Variants in CCDC50 observed in about 807,000 individuals in gnomAD.
The protein encoded by CCDC50 is coiled-coil domain containing 50.
A neutral mutation model predicts 70.2 loss-of-function variants in CCDC50; 54 were observed. The ratio of observed to expected loss-of-function variants is 0.77; its 90% confidence interval spans 0.62 to 0.96. CCDC50 has a LOEUF of 0.96. CCDC50 is among the 50% of genes least tolerant of loss of function. The probability of loss-of-function intolerance (pLI) is 0.00; values close to 1 mark genes in which losing one functional copy is unlikely to be tolerated. For missense variants in CCDC50, 558 were observed against 578.7 expected, an observed-to-expected ratio of 0.96 and a Z score of 0.37; for synonymous variants, 216 against 198.8, an observed-to-expected ratio of 1.09 and a Z score of -0.73.
At chr3:191,390,440 G>A (rs1273304571) in intron 11 of CCDC50, among the ~76,000 whole-genome samples, 1 of 152,200 alleles carries the variant, frequency 6.6e-6, no homozygotes, top group African/African-American at 2.4e-5. Context: ...CAGCAGTGTG[G>A]GCTGCTGGTT....
intron 9 of CCDC50, 22 bp from the exon 10 acceptor site, chr3:191,382,724 T>C: frequency 6.6e-7 from 1 of 1,515,284 alleles, no homozygotes; most frequent in South Asian, 1.1e-5. Context: ...TTTTGTTTGT[T>C]TGTTTGTATT....
chr3:191,334,265 A>G (rs1336460725), intron 1 of CCDC50, among the ~76,000 whole-genome samples: 1 of 152,200 alleles, frequency 6.6e-6, no homozygotes, highest in Non-Finnish European at 1.5e-5. Flanking sequence ...CTGAATTCAT[A>G]TGTGCACCAA....
intron 5 of CCDC50, among the ~76,000 whole-genome samples, chr3:191,371,891 A>G (rs1013667): frequency 0.48 from 73,477 of 152,078 alleles, 18,927 homozygotes; most frequent in African/African-American, 0.68. Flanking sequence ...TTCACCTTCA[A>G]TTTAAATCTT....
At chr3:191,376,925 T>C (rs1713135654) in intron 6 of CCDC50, among the ~76,000 whole-genome samples, 1 of 152,186 alleles carries the variant, frequency 6.6e-6, no homozygotes, top group Admixed American at 6.6e-5. Flanking sequence ...TCTGTGAATC[T>C]GACTTTCACG....
intron 6 of CCDC50, among the ~76,000 whole-genome samples, chr3:191,379,746 T>C (rs573713560): frequency 6.6e-6 from 1 of 152,072 alleles, no homozygotes; most frequent in African/African-American, 2.4e-5. Flanking sequence ...GAAAGAAGCC[T>C]CTACTCTCCT....
At chr3:191,386,279 C>G (rs1221417861) in intron 10 of CCDC50, among the ~76,000 whole-genome samples, 1 of 135,268 alleles carries the variant, frequency 7.4e-6, no homozygotes, top group Non-Finnish European at 1.5e-5. Flanking sequence ...GGCTGGAGTG[C>G]AGTGGCACGA....
At position 191,347,147 on chromosome 3, in the gene CCDC50, T is replaced by A. The variant is rs1052852952; in HGVS notation, c.50-9941T>A. 4.2e-5 allele frequency among the ~76,000 whole-genome samples: 6 copies of A among 142,478 alleles called. 3 individuals carry two copies. The highest frequency in any genetic ancestry group is 9.5e-5 in the Non-Finnish European group (6 of 63,190). 93.5% of individuals were successfully genotyped at this position (142,478 alleles called of 152,430 possible). A position where few individuals can be genotyped will look rare whatever the true frequency, so the allele number is the denominator to read the frequency against. ...GAAAAAGGCAGCTTTCTATCTGTGA[T>A]GTTTATTGCAGGATAATTAACCCGG... is the stretch of plus-strand genomic sequence containing the variant. On this transcript the variant is annotated intron_variant, in intron 1 of 11. Transcript: ENST00000392455.
intron 3 of CCDC50, among the ~76,000 whole-genome samples, chr3:191,359,263 A>G (rs1560162246): frequency 6.6e-6 from 1 of 152,182 alleles, no homozygotes; most frequent in African/African-American, 2.4e-5. Flanking sequence ...GATGGGGAAA[A>G]CCATTCTAGC....
intron 9 of CCDC50, among the ~76,000 whole-genome samples, chr3:191,382,516 C>A (rs1229208122): frequency 2.6e-5 from 4 of 152,096 alleles, no homozygotes; most frequent in Non-Finnish European, 4.4e-5. Flanking sequence ...CTAAATTACA[C>A]CTTCCATGTA....
intron 1 of CCDC50, among the ~76,000 whole-genome samples, chr3:191,348,948 A>G (rs1299042128): frequency 1.4e-5 from 2 of 142,036 alleles, no homozygotes; most frequent in Non-Finnish European, 3.2e-5. Flanking sequence ...AAAGTGAGAA[A>G]TTTTAGCTAT....
In CCDC50 at chr3:191,361,364, A is replaced by C. The variant is rs145868320; in HGVS notation, c.330+205A>C. ...GTAAAAGTCTTGAGAGATAATGGAT[A>C]ATTTCACATATGATGTGAGTTAGTT... On this transcript the variant is annotated intron_variant, in intron 4 of 11. Transcript: ENST00000392455. 4.6e-5 allele frequency among the ~76,000 whole-genome samples: 7 copies of C among 152,294 alleles called. No homozygotes were observed. In the East Asian group the frequency reaches 1.3e-3, roughly 29 times the overall value.
At chr3:191,334,234 T>TGGA (rs1327537532) in intron 1 of CCDC50, among the ~76,000 whole-genome samples, 10 of 152,134 alleles carry the variant, frequency 6.6e-5, no homozygotes, top group Non-Finnish European at 1.0e-4. Context: ...ATAGAATGCA[T>TGGA]GGAGTTGTTG....
intron 4 of CCDC50, among the ~76,000 whole-genome samples, chr3:191,362,852 G>T (rs1248788791): frequency 6.6e-6 from 1 of 152,190 alleles, no homozygotes; most frequent in Non-Finnish European, 1.5e-5. Context: ...GATAATCAGA[G>T]CTGCAAGTAA....
intron 1 of CCDC50, among the ~76,000 whole-genome samples, chr3:191,353,337 T>G (rs1277748813): frequency 1.4e-5 from 2 of 141,588 alleles, no homozygotes; most frequent in Admixed American, 1.4e-4. Context: ...TAGAGTTGGC[T>G]TACGGCAAGA....
chr3:191,372,147 A>G (rs766188434), intron 5 of CCDC50, among the ~76,000 whole-genome samples: 1 of 152,176 alleles, frequency 6.6e-6, no homozygotes, highest in African/African-American at 2.4e-5. Context: ...GCAGGAGACT[A>G]TGTTAAGAAT....
chr3:191,345,645 C>G (rs996181403), intron 1 of CCDC50, among the ~76,000 whole-genome samples: 3 of 152,274 alleles, frequency 2.0e-5, no homozygotes, highest in African/African-American at 7.2e-5. Flanking sequence ...TGCCTGCAAT[C>G]TGGTGTATCT....
At position 191,393,902 on chromosome 3, in the gene CCDC50, C is replaced by T. The variant is rs1713776566; in HGVS notation, c.*2142C>T. ...AAAACAATGTATTTTTATTTGATAA[C>T]TAGGCAAAATCATTTGCCATTTTTT... On this transcript the variant is annotated 3_prime_UTR_variant, in exon 12 of 12. Coordinates refer to ENST00000392455, the MANE Select transcript of CCDC50 (RefSeq NM_178335.3). 6.6e-6 allele frequency: 1 copy of T among 152,064 alleles called. No individual in the cohort carries two copies. Among genetic ancestry groups the T allele is most frequent in the Non-Finnish European group, 1.5e-5 (1 of 68,002 alleles). 9.4% of individuals were successfully genotyped at this position (152,064 alleles called of 1,614,324 possible).
chr3:191,359,903 G>C (rs1176800651), intron 3 of CCDC50, among the ~76,000 whole-genome samples: 1 of 152,110 alleles, frequency 6.6e-6, no homozygotes, highest in South Asian at 2.1e-4. Context: ...AAATTATCAA[G>C]ACAAACCACT....
chr3:191,366,552 A>C (rs1712696174), intron 4 of CCDC50, among the ~76,000 whole-genome samples: 1 of 152,182 alleles, frequency 6.6e-6, no homozygotes, highest in African/African-American at 2.4e-5. Flanking sequence ...AAAGAGCTTA[A>C]GAGTTCATTT....
Sources: allele counts gnomAD v4.1 joint callset (sites outside exome capture counted in the v4.1 genomes callset), GRCh38; gene constraint gnomAD v4.1.1; transcripts MANE v1.5; gene names NCBI Gene and HGNC (gene_info 2026-07-23, HGNC 2026-07-21).